Variants in CCDC66 observed in about 807,000 individuals in gnomAD.
CCDC66 encodes coiled-coil domain-containing protein 66.
Under a neutral mutation model 128.3 loss-of-function variants are expected in CCDC66, and 133 were observed. That is an observed-to-expected ratio of 1.04 (90% CI 0.90 to 1.20). The LOEUF (loss-of-function observed/expected upper bound fraction) is 1.20, where lower values mean the gene tolerates loss of function less well. Ranked by LOEUF, CCDC66 falls within the 50% of genes most tolerant of loss-of-function variation. CCDC66 has a pLI of 0.00. For missense variants in CCDC66, 1,126 were observed against 1,075.5 expected, an observed-to-expected ratio of 1.05 and a Z score of -0.66; for synonymous variants, 387 against 357.0, an observed-to-expected ratio of 1.08 and a Z score of -0.95.
chr3:56,597,543 G>A (rs963813415), intron 10 of CCDC66, among the ~76,000 whole-genome samples: 10 of 151,874 alleles, frequency 6.6e-5, no homozygotes, highest in Admixed American at 2.6e-4. Flanking sequence ...ATCCTCTTTC[G>A]TTTATTTCAT....
chr3:56,621,703 A>T lies in CCDC66; in HGVS notation c.*85A>T. The T allele has an allele frequency of 1.1e-6, 1 of 891,894 alleles. No individual in the cohort carries two copies. Among genetic ancestry groups the T allele is most frequent in the Non-Finnish European group, 1.7e-6 (1 of 580,854 alleles). 55.2% of individuals were successfully genotyped at this position (891,894 alleles called of 1,614,324 possible). The stretch of plus-strand genomic sequence containing the variant: ...ACTGGCTCAACTGTATTTTTCAAAT[A>T]GCCTAGATTTACTTATTTTTTTAAA... On this transcript the variant is annotated 3_prime_UTR_variant, in exon 18 of 18. Transcript: ENST00000394672.
chr3:56,593,726 A>G lies in CCDC66; in HGVS notation c.1304A>G (p.Asn435Ser). Reference protein sequence around the residue: ...AKPIKDVVMANSKKTNFLRSM... With the variant: ...AKPIKDVVMASSKKTNFLRSM... Reference sequence around the variant, plus strand: ...CCTATTAAGGATGTGGTTATGGCAAACAGTAAGAAAACAAAGTAAGTTCAT... The same window carrying G: ...CCTATTAAGGATGTGGTTATGGCAAGCAGTAAGAAAACAAAGTAAGTTCAT... The change falls in exon 9 of 18, where the codon AAC becomes AGC. Residue 435 changes from asparagine to serine, a missense_variant. Coordinates refer to ENST00000394672, the MANE Select transcript of CCDC66 (RefSeq NM_001141947.3). The G allele has an allele frequency of 6.2e-7, 1 of 1,611,992 alleles. No individual in the cohort carries two copies. The highest frequency in any genetic ancestry group is 8.5e-7 in the Non-Finnish European group (1 of 1,178,154).
In CCDC66 at chr3:56,567,013, T is replaced by G. The variant is rs756226011; in HGVS notation, c.774T>G (p.Ser258Arg). The change falls in exon 6 of 18, where the codon AGT (serine) becomes AGG (arginine). Residue 258 changes from serine to arginine, a missense_variant. Transcript: ENST00000394672. Reference protein sequence around the residue: ...STLGERECDRSSLEAKKAQWR... With the variant: ...STLGERECDRRSLEAKKAQWR... ...TGGGGGAAAGGGAATGTGATAGAAG[T>G]TCGTTGGAAGCAAAAAAAGCCCAGT... is the stretch of plus-strand genomic sequence containing the variant. 1 of 1,614,106 alleles carries G rather than the reference T, an allele frequency of 6.2e-7. No homozygotes were observed. Among genetic ancestry groups the G allele is most frequent in the Non-Finnish European group, 8.5e-7 (1 of 1,179,994 alleles).
chr3:56,574,403 A>T (rs1037031304), intron 7 of CCDC66, among the ~76,000 whole-genome samples: 7 of 151,736 alleles, frequency 4.6e-5, no homozygotes, highest in South Asian at 2.1e-4. Context: ...TTGTATGCGA[A>T]TGTGGTACAA....
intron 7 of CCDC66, among the ~76,000 whole-genome samples, chr3:56,589,597 A>C (rs1251661662): frequency 6.6e-6 from 1 of 152,198 alleles, no homozygotes; most frequent in East Asian, 1.9e-4. Context: ...AAATTTAATA[A>C]AAGTGGCTAG....
In CCDC66 at chr3:56,582,051, G is replaced by A. The variant is rs571985742; in HGVS notation, c.936+10749G>A. Among the ~76,000 whole-genome samples the A allele has an allele frequency of 5.1e-4, 78 of 152,028 alleles. 1 individual carries two copies. The highest frequency in any genetic ancestry group is 1.8e-3 in the African/African-American group (75 of 41,544). On this transcript the variant is annotated intron_variant, in intron 7 of 17. Transcript: ENST00000394672. The stretch of plus-strand genomic sequence containing the variant: ...AGGCAGGCAGGCCTCCTTGAGCTGC[G>A]GTGGGCTCCACCCAGTCCGAGCTTC...
chr3:56,589,511 A>G (rs1314577266), intron 7 of CCDC66, among the ~76,000 whole-genome samples: 1 of 152,204 alleles, frequency 6.6e-6, no homozygotes, highest in Non-Finnish European at 1.5e-5. Context: ...AGTTGGGTCT[A>G]TTCAATGAAT....
intron 12 of CCDC66, chr3:56,615,478 ACT>A (rs890553800): frequency 2.1e-4 from 102 of 489,828 alleles, no homozygotes; most frequent in East Asian, 4.8e-4. Flanking sequence ...CCTTCAGATG[ACT>A]CTCCCACCTT....
intron 7 of CCDC66, 141 bp downstream of exon 7, chr3:56,571,443 A>C: frequency 1.9e-6 from 1 of 537,200 alleles, no homozygotes; most frequent in Non-Finnish European, 3.2e-6. Flanking sequence ...ATGCAGTGGC[A>C]CAGTCTCAGC....
intron 10 of CCDC66, among the ~76,000 whole-genome samples, chr3:56,595,911 G>A (rs1559709399): frequency 6.6e-6 from 1 of 152,050 alleles, no homozygotes; most frequent in Non-Finnish European, 1.5e-5. Context: ...CTTTTGGTAT[G>A]TTTGTTTGTT....
intron 6 of CCDC66, chr3:56,569,770 A>G (rs1295620139): frequency 6.6e-6 from 1 of 152,236 alleles, no homozygotes; most frequent in Non-Finnish European, 1.5e-5. Flanking sequence ...ATGCAATACC[A>G]AATGTCTGAA....
chr3:56,586,000 A>G (rs554986617), intron 7 of CCDC66, among the ~76,000 whole-genome samples: 8 of 151,910 alleles, frequency 5.3e-5, no homozygotes, highest in Non-Finnish European at 8.8e-5. Context: ...ATTTAAAGAA[A>G]GACTTTAAAA....
In CCDC66 at chr3:56,579,956, G is replaced by A. The variant is rs569942703; in HGVS notation, c.936+8654G>A. 2.6e-3 allele frequency among the ~76,000 whole-genome samples: 392 copies of A among 151,840 alleles called. 3 individuals carry two copies. Among genetic ancestry groups the A allele is most frequent in the Non-Finnish European group, 3.2e-3 (216 of 67,990 alleles). ...GGTGCAGAGCTGAGTTCAATTCCTC[G>A]ATATCCTTGTTAACTTTCTGTCTCG... On this transcript the variant is annotated intron_variant, in intron 7 of 17. Transcript: ENST00000394672.
intron 7 of CCDC66, among the ~76,000 whole-genome samples, chr3:56,574,943 G>A (rs551546184): frequency 6.6e-6 from 1 of 151,774 alleles, no homozygotes; most frequent in South Asian, 2.1e-4. Context: ...ATTAATCCAT[G>A]GATAGAAATT....
At chr3:56,563,407 A>G (rs2065387741) in intron 3 of CCDC66, 3 of 256,540 alleles carry the variant, frequency 1.2e-5, no homozygotes, top group East Asian at 6.5e-5. Context: ...AAAAAAAAAA[A>G]GAGATAATGT....
Position 56,566,608 on chromosome 3 carries a change from T to C in CCDC66, c.559T>C (p.Tyr187His), listed in dbSNP as rs1165164295. ...TTACCTCCTAGGTCAATATAGTCTA[T>C]ATTTAAACAGTATTTCTAATCAGCC... Reference protein sequence around the residue: ...GKEAKSQYSLYLNSISNQPKD... With the variant: ...GKEAKSQYSLHLNSISNQPKD... The change falls in exon 5 of 18, where the codon TAT (tyrosine) becomes CAT (histidine). Residue 187 changes from tyrosine (Y) to histidine (H), a missense_variant. By Grantham distance (83) the Tyr-to-His change is moderately conservative (BLOSUM62 2). Transcript: ENST00000394672. The C allele has an allele frequency of 1.3e-6, 2 of 1,575,120 alleles. No homozygotes were observed. Among genetic ancestry groups the C allele is most frequent in the East Asian group, 2.2e-5 (1 of 44,626 alleles).
chr3:56,567,006 A>T lies in CCDC66; in HGVS notation c.767A>T (p.Asp256Val). The T allele has an allele frequency of 6.2e-7, 1 of 1,614,180 alleles. No homozygotes were observed. Among genetic ancestry groups the T allele is most frequent in the Non-Finnish European group, 8.5e-7 (1 of 1,180,026 alleles). The change falls in exon 6 of 18, where the codon GAT (aspartate) becomes GTT (valine). Residue 256 changes from aspartate to valine, a missense_variant. Asp to Val is a radical substitution (Grantham distance 152, BLOSUM62 -3). Transcript: ENST00000394672. The stretch of plus-strand genomic sequence containing the variant: ...AGTACTCTGGGGGAAAGGGAATGTG[A>T]TAGAAGTTCGTTGGAAGCAAAAAAA... ...IFSTLGEREC[D>V]RSSLEAKKAQ... is the part of the protein sequence containing the mutation.
intron 7 of CCDC66, among the ~76,000 whole-genome samples, chr3:56,591,071 ATTC>A (rs1260187489): frequency 2.0e-5 from 3 of 152,204 alleles, no homozygotes; most frequent in Non-Finnish European, 4.4e-5. Flanking sequence ...CATGTTTTTC[ATTC>A]TTCTAACTGA....
chr3:56,574,164 C>A (rs1289715250), intron 7 of CCDC66, among the ~76,000 whole-genome samples: 3 of 151,410 alleles, frequency 2.0e-5, no homozygotes, highest in Non-Finnish European at 4.4e-5. Flanking sequence ...GAGATTGAGA[C>A]CATCCCAGCC....
Sources: gnomAD v4.1 joint callset for allele counts (sites outside exome capture counted in the v4.1 genomes callset) on GRCh38, gnomAD v4.1.1 for gene constraint, MANE v1.5 for transcripts, NCBI Gene and HGNC (gene_info 2026-07-23, HGNC 2026-07-21) for gene names.